BZW2: variants seen among roughly 807,000 people sequenced by gnomAD.
The protein encoded by BZW2 is basic leucine zipper and W2 domains 2.
BZW2 carries 23 observed loss-of-function variants against 53.2 expected under a neutral mutation model. The ratio of observed to expected loss-of-function variants is 0.43; its 90% CI spans 0.31 to 0.61. The LOEUF is 0.61. BZW2 is among the 20% of genes least tolerant of loss of function. The probability of loss-of-function intolerance (pLI) is 0.09; values close to 1 mark genes in which losing one functional copy is unlikely to be tolerated. For synonymous variants in BZW2, 227 were observed against 186.4 expected, an observed-to-expected ratio of 1.22 and a Z score of -1.77; for missense variants, 409 against 503.1, an observed-to-expected ratio of 0.81 and a Z score of 1.79.
Position 16,651,781 on chromosome 7 carries a change from C to A in BZW2, c.-8+5493C>A, listed in dbSNP as rs149339039. On this transcript the variant is annotated intron_variant, in intron 1 of 11. Transcript: ENST00000258761. The stretch of plus-strand genomic sequence containing the variant: ...CTAAAGATAAATGCCTTTTCCCCCC[C>A]ACCGCTTAATAGAACTCTATGGAGA... 1.5e-3 allele frequency among the ~76,000 whole-genome samples: 224 copies of A among 152,282 alleles called. 1 individual carries two copies. Among genetic ancestry groups the A allele is most frequent in the African/African-American group, 4.9e-3 (205 of 41,550 alleles).
intron 1 of BZW2, among the ~76,000 whole-genome samples, chr7:16,654,583 G>GCAC (rs1782074444): frequency 2.7e-5 from 4 of 148,242 alleles, no homozygotes; most frequent in Non-Finnish European, 4.4e-5. Flanking sequence ...CAGCCAGGCT[G>GCAC]TGATACAGTG....
intron 2 of BZW2, among the ~76,000 whole-genome samples, chr7:16,671,423 C>G (rs926678998): frequency 1.3e-5 from 2 of 152,212 alleles, no homozygotes; most frequent in African/African-American, 4.8e-5. Flanking sequence ...CTAGCCCACC[C>G]TAACCTTTCC....
At chr7:16,698,257 G>C in intron 10 of BZW2, 71 bp downstream of exon 10, 1 of 1,574,356 alleles carries the variant, frequency 6.4e-7, no homozygotes, top group South Asian at 1.1e-5. Flanking sequence ...AGCAGGCAAT[G>C]AGGCAGAGGA....
intron 7 of BZW2, among the ~76,000 whole-genome samples, chr7:16,692,694 G>A (rs769711183): frequency 6.6e-6 from 1 of 152,166 alleles, no homozygotes; most frequent in Non-Finnish European, 1.5e-5. Flanking sequence ...AACCCGGGAG[G>A]TGGAGGCTGC....
At chr7:16,679,802 A>G (rs1260134783) in intron 3 of BZW2, among the ~76,000 whole-genome samples, 1 of 152,244 alleles carries the variant, frequency 6.6e-6, no homozygotes, top group Non-Finnish European at 1.5e-5. Context: ...TTTGTTGTGT[A>G]TATGAAAGAT....
chr7:16,702,822 TTAA>T (rs1783710771), intron 10 of BZW2, among the ~76,000 whole-genome samples: 1 of 152,172 alleles, frequency 6.6e-6, no homozygotes, highest in Admixed American at 6.5e-5. Context: ...GTGCAGAACA[TTAA>T]TAATGATAGT....
chr7:16,682,712 T>A, intron 4 of BZW2, 68 bp from the exon 5 acceptor site: 1 of 931,088 alleles, frequency 1.1e-6, no homozygotes, highest in Non-Finnish European at 1.6e-6. Flanking sequence ...GTCATTATAG[T>A]GAGTTTCTAT....
Position 16,674,520 on chromosome 7 carries a change from G to A in BZW2, c.167G>A (p.Gly56Asp). ...GTAGCCAAATTTCTGGACTCTACAGGCTCAAGATTAGATTATCGTCGCTAT... is the reference window on the plus strand; with the variant it reads ...GTAGCCAAATTTCTGGACTCTACAGACTCAAGATTAGATTATCGTCGCTAT... The part of the protein sequence containing the change: ...EAVAKFLDST[G>D]SRLDYRRYAD... The change falls in exon 3 of 12, where the codon GGC becomes GAC. Residue 56 changes from glycine to aspartate, a missense_variant. Coordinates refer to ENST00000258761, the MANE Select transcript of BZW2 (RefSeq NM_014038.3). 1 of 1,612,744 alleles carries A rather than the reference G, an allele frequency of 6.2e-7. No homozygotes were observed. The highest frequency in any genetic ancestry group is 8.5e-7 in the Non-Finnish European group (1 of 1,179,142).
chr7:16,659,844 AT>A (rs1011605894), intron 1 of BZW2, among the ~76,000 whole-genome samples: 1 of 148,760 alleles, frequency 6.7e-6, no homozygotes, highest in African/African-American at 2.5e-5. Flanking sequence ...TTTTGTTTTT[AT>A]TTTTTTATTT....
Position 16,698,029 on chromosome 7 carries a change from C to T in BZW2, c.970-19C>T. The T allele has an allele frequency of 1.9e-6, 3 of 1,613,658 alleles. No homozygotes were observed. Among genetic ancestry groups the T allele is most frequent in the Non-Finnish European group, 2.5e-6 (3 of 1,179,668 alleles). On this transcript the variant is annotated intron_variant, in intron 9 of 11. Coordinates refer to ENST00000258761, the MANE Select transcript of BZW2 (RefSeq NM_014038.3). ...CCTCCCACGCAAGTGACGGCTTTTACTCTCCACTTCTGTTCTAGCAATATG... is the reference window on the plus strand; with the variant it reads ...CCTCCCACGCAAGTGACGGCTTTTATTCTCCACTTCTGTTCTAGCAATATG...
In BZW2 at chr7:16,656,150, T is replaced by TATATATATATATATATATATAC. The variant is rs143994492; in HGVS notation, c.-7-9286_-7-9285insTATATATATATATATATATACA. Among the ~76,000 whole-genome samples the TATATATATATATATATATATAC allele has an allele frequency of 1.8e-3, 269 of 150,226 alleles. 3 individuals are homozygous for TATATATATATATATATATATAC. Among genetic ancestry groups the TATATATATATATATATATATAC allele is most frequent in the African/African-American group, 6.1e-3 (246 of 40,090 alleles). On this transcript the variant is annotated intron_variant, in intron 1 of 11. Coordinates refer to ENST00000258761, the MANE Select transcript of BZW2 (RefSeq NM_014038.3). The stretch of plus-strand genomic sequence containing the variant: ...ATATATAAATGACTATATATATATA[T>TATATATATATATATATATATAC]ACATAAATATTTTTTCCCAGTACAG...
rs77834852 is a variant in BZW2 at position 16,681,338 on chromosome 7, C to G, written c.273C>G (p.Thr91=). Residue 91 remains threonine, a synonymous_variant, in exon 4 of 12, where the codon ACC becomes ACG. Coordinates refer to ENST00000258761, the MANE Select transcript of BZW2 (RefSeq NM_014038.3). ...GGTRIDDGDK[T]KMTNHCVFSA... is the part of the protein sequence containing the mutation. Reference sequence around the variant, plus strand: ...CGCGCATAGATGATGGTGACAAGACCAAGATGACCAACCACTGTGTGTTTT... The same window carrying G: ...CGCGCATAGATGATGGTGACAAGACGAAGATGACCAACCACTGTGTGTTTT... 2.4e-4 allele frequency: 380 copies of G among 1,613,958 alleles called. 1 individual carries two copies. The African/African-American group carries it at 4.6e-3, about 19-fold the overall frequency.
chr7:16,688,046 T>C (rs1241468808), intron 6 of BZW2, among the ~76,000 whole-genome samples: 1 of 152,142 alleles, frequency 6.6e-6, no homozygotes, highest in African/African-American at 2.4e-5. Context: ...TTTTTTAACT[T>C]AGTTTCTTTG....
intron 3 of BZW2, among the ~76,000 whole-genome samples, chr7:16,677,574 C>T (rs535124204): frequency 2.5e-4 from 38 of 152,232 alleles, no homozygotes; most frequent in African/African-American, 7.7e-4. Flanking sequence ...CAGGGGTCCA[C>T]GGTAGATCTT....
intron 2 of BZW2, among the ~76,000 whole-genome samples, chr7:16,667,064 C>T (rs1782450515): frequency 6.6e-6 from 1 of 151,440 alleles, no homozygotes; most frequent in Non-Finnish European, 1.5e-5. Context: ...GAGTGGATCA[C>T]CTAAGGTTGG....
rs752654202 is a variant in BZW2 at position 16,704,662 on chromosome 7, A to G, written c.1224A>G (p.Ala408=). The G allele has an allele frequency of 6.3e-6, 10 of 1,581,024 alleles. No homozygotes were observed. In the African/African-American group the frequency reaches 1.3e-4, roughly 21 times the overall value. ...AATTTGTTGAGTGGTTACAAAATGC[A>G]GAAGAAGGTATGATTCTGTTTACAA... ...MKKFVEWLQN[A]EEESESEGEE... The change falls in exon 11 of 12, where the codon GCA becomes GCG. Residue 408 remains alanine (A), a synonymous_variant. Transcript: ENST00000258761.
At chr7:16,657,758 C>T (rs1782156893) in intron 1 of BZW2, among the ~76,000 whole-genome samples, 1 of 151,912 alleles carries the variant, frequency 6.6e-6, no homozygotes, top group Non-Finnish European at 1.5e-5. Flanking sequence ...GCTTAGTTGC[C>T]ACTGGTATGT....
chr7:16,689,870 G>C lies in BZW2; in HGVS notation c.615G>C (p.Ser205=), dbSNP rs138783404. 2 of 1,611,806 alleles carry C rather than the reference G, an allele frequency of 1.2e-6. No homozygotes were observed. The change falls in exon 7 of 12, where the codon TCG becomes TCC. Residue 205 remains serine, a synonymous_variant. Coordinates refer to ENST00000258761, the MANE Select transcript of BZW2 (RefSeq NM_014038.3). ...AAAAAGATGCCAACTCTGTTACCTC[G>C]TCTTTGAGAAAAGCCAACTTAGACA... The part of the protein sequence containing the change: ...MAEKDANSVT[S]SLRKANLDKR...
At chr7:16,700,726 C>CT (rs1226096656) in intron 10 of BZW2, 4 of 152,144 alleles carry the variant, frequency 2.6e-5, no homozygotes, top group Non-Finnish European at 5.9e-5. Context: ...TTATACTTAC[C>CT]TTTGATTTCA....
Sources: gnomAD v4.1 joint callset for allele counts (sites outside exome capture counted in the v4.1 genomes callset) on GRCh38, gnomAD v4.1.1 for gene constraint, MANE v1.5 for transcripts, NCBI Gene and HGNC (gene_info 2026-07-23, HGNC 2026-07-21) for gene names.